The following LAMA1 variants were observed in gnomAD, a reference collection of about 807,000 sequenced individuals.
LAMA1 encodes the protein laminin subunit alpha-1.
A neutral mutation model predicts 348.7 loss-of-function variants in LAMA1; 219 were observed. The observed-to-expected ratio is 0.63, with a 90% confidence interval of 0.56 to 0.70. The LOEUF is 0.70. LAMA1 is among the 30% of genes least tolerant of loss of function. LAMA1 has a pLI of 0.00. For synonymous variants in LAMA1, 1,487 were observed against 1,491.0 expected, an observed-to-expected ratio of 1.00 and a Z score of 0.06; for missense variants, 3,744 against 3,888.0, an observed-to-expected ratio of 0.96 and a Z score of 0.99.
At chr18:7,096,468 G>A (rs2143810308) in intron 1 of LAMA1, among the ~76,000 whole-genome samples, 1 of 152,224 alleles carries the variant, frequency 6.6e-6, no homozygotes, top group South Asian at 2.1e-4. Context: ...CTTGAGCCCA[G>A]GAGTACAACA....
rs201639941 is a variant in LAMA1, at chr18:6,942,161, G to C, written c.9146C>G (p.Pro3049Arg). 12 of 1,613,978 alleles carry C rather than the reference G, an allele frequency of 7.4e-6. No homozygotes were observed. Among genetic ancestry groups the C allele is most frequent in the Non-Finnish European group, 1.0e-5 (12 of 1,180,030 alleles). ...GCTGAAGTCAAAGGACTGCACCTGCGGGCTCTTAATCAGAGCTAGCTTCCT... is the reference window on the plus strand; with the variant it reads ...GCTGAAGTCAAAGGACTGCACCTGCCGGCTCTTAATCAGAGCTAGCTTCCT... The part of the protein sequence containing the change: ...CLRKLALIKS[P>R]QVQSFDFSRA... Residue 3049 changes from proline (P) to arginine (R), a missense_variant, in exon 63 of 63, where the codon CCG becomes CGG. Physicochemically the swap from Pro to Arg is moderately radical, Grantham distance 103 (BLOSUM62 -2). Coordinates refer to ENST00000389658, the MANE Select transcript of LAMA1 (RefSeq NM_005559.4).
rs1283396403 is a variant in LAMA1, at chr18:7,080,458, C to G, written c.62-1G>C. 6.2e-7 allele frequency: 1 copy of G among 1,614,078 alleles called. No homozygotes were observed. Among genetic ancestry groups the G allele is most frequent in the Admixed American group, 1.7e-5 (1 of 59,992 alleles). On this transcript the variant is annotated splice_acceptor_variant, in intron 1 of 62. Transcript: ENST00000389658. LOFTEE classifies it high-confidence loss of function. Reference sequence around the variant, plus strand: ...AGATTGAGAATGGCAGGAAACAGGCCTGAAAGTGAAAATTTACCAAATCAG... The same window carrying G: ...AGATTGAGAATGGCAGGAAACAGGCGTGAAAGTGAAAATTTACCAAATCAG...
chr18:7,100,949 G>A (rs953217840), intron 1 of LAMA1, among the ~76,000 whole-genome samples: 9 of 152,270 alleles, frequency 5.9e-5, no homozygotes, highest in Non-Finnish European at 1.0e-4. Flanking sequence ...GGTGGAGGCT[G>A]CAGTGAGCCA....
At chr18:7,026,778 G>A (rs2057945410) in intron 16 of LAMA1, among the ~76,000 whole-genome samples, 1 of 152,044 alleles carries the variant, frequency 6.6e-6, no homozygotes, top group African/African-American at 2.4e-5. Flanking sequence ...CAGGTGGATT[G>A]CGAGGTCAGG....
intron 1 of LAMA1, among the ~76,000 whole-genome samples, chr18:7,116,348 C>T (rs908647760): frequency 1.1e-4 from 16 of 152,226 alleles, no homozygotes; most frequent in African/African-American, 3.9e-4. Context: ...TCCTTTAAGG[C>T]TCCTCTCCCT....
intron 1 of LAMA1, among the ~76,000 whole-genome samples, chr18:7,106,797 T>C (rs553959169): frequency 1.2e-3 from 179 of 152,192 alleles, no homozygotes; most frequent in African/African-American, 4.0e-3. Flanking sequence ...TGTCACTGTT[T>C]GAGTCTGCTC....
At chr18:7,048,708 A>G (rs1193947900) in intron 5 of LAMA1, among the ~76,000 whole-genome samples, 1 of 152,220 alleles carries the variant, frequency 6.6e-6, no homozygotes, top group South Asian at 2.1e-4. Context: ...TAAAATCTGT[A>G]TGCTTTCCTG....
At chr18:7,024,817 T>A (rs1051142192) in intron 17 of LAMA1, among the ~76,000 whole-genome samples, 1 of 152,144 alleles carries the variant, frequency 6.6e-6, no homozygotes, top group African/African-American at 2.4e-5. Flanking sequence ...GCTCGGGTGC[T>A]CCTAGGATGC....
intron 19 of LAMA1, among the ~76,000 whole-genome samples, chr18:7,019,461 T>TA: frequency 6.6e-6 from 1 of 152,206 alleles, no homozygotes; most frequent in Non-Finnish European, 1.5e-5. Context: ...GATGATAATT[T>TA]AAAAAATCAT....
chr18:6,993,680 G>A lies in LAMA1; in HGVS notation c.4969C>T (p.Leu1657=). 1.9e-6 allele frequency: 3 copies of A among 1,613,970 alleles called. No homozygotes were observed. The highest frequency in any genetic ancestry group is 2.2e-5 in the South Asian group (2 of 91,066). ...TGCAGCCTCTCAATGGCTATGGCCA[G>A]GTCTTGACTCTCCTTGAAGATTCTC... ...TERIFKESQD[L]AIAIERLQMS... The change falls in exon 35 of 63, where the codon CTG becomes TTG. Residue 1657 remains leucine, a synonymous_variant. Transcript: ENST00000389658.
chr18:7,090,484 T>A (rs1308220865), intron 1 of LAMA1, among the ~76,000 whole-genome samples: 7 of 152,018 alleles, frequency 4.6e-5, no homozygotes, highest in Non-Finnish European at 1.0e-4. Flanking sequence ...AAGGGGAGAA[T>A]AACCCCCTCC....
rs374697577 is a variant in LAMA1, at chr18:7,009,323, G to A, written c.3917C>T (p.Thr1306Met). The A allele has an allele frequency of 4.2e-5, 67 of 1,613,878 alleles. No homozygotes were observed. The highest frequency in any genetic ancestry group is 2.4e-4 in the African/African-American group (18 of 74,906). ...GAGGACAGACATAAAATCCTCTCGC[G>A]TGACAGGTTTTTCAGAAACAGAGTT... The part of the protein sequence containing the change: ...YFNSVSEKPV[T>M]REDFMSVLSD... Residue 1306 changes from threonine (T) to methionine (M), a missense_variant, in exon 27 of 63, where the codon ACG (threonine) becomes ATG (methionine). By Grantham distance (81) the Thr-to-Met change is moderately conservative (BLOSUM62 -1). Around this residue, in one of 3 missense-constraint regions of LAMA1, gnomAD observed 1,983 missense variants for 1,934.3 expected, o/e 1.03. Transcript: ENST00000389658.
At chr18:7,109,296 T>G (rs951482075) in intron 1 of LAMA1, among the ~76,000 whole-genome samples, 1 of 152,142 alleles carries the variant, frequency 6.6e-6, no homozygotes, top group Non-Finnish European at 1.5e-5. Flanking sequence ...GACCCAGGTT[T>G]TAATGCTAGA....
At chr18:7,059,652 C>A (rs1376147649) in intron 3 of LAMA1, among the ~76,000 whole-genome samples, 1 of 152,184 alleles carries the variant, frequency 6.6e-6, no homozygotes, top group African/African-American at 2.4e-5. Flanking sequence ...CCTCTCCTCT[C>A]CACAGAAAGT....
At chr18:7,064,932 A>G (rs1327318392) in intron 3 of LAMA1, among the ~76,000 whole-genome samples, 2 of 152,138 alleles carry the variant, frequency 1.3e-5, no homozygotes, top group African/African-American at 4.8e-5. Flanking sequence ...TTGCTCTTAA[A>G]AGGGTGATTA....
intron 57 of LAMA1, 98 bp downstream of exon 57, chr18:6,955,255 A>G: frequency 1.1e-6 from 1 of 949,418 alleles, no homozygotes; most frequent in Non-Finnish European, 1.7e-6. Context: ...TCATCATAAA[A>G]TAAAAGCAGG....
chr18:7,076,801 G>A (rs1167439644), intron 3 of LAMA1: 4 of 152,094 alleles, frequency 2.6e-5, no homozygotes, highest in African/African-American at 4.8e-5. Flanking sequence ...CAGAACAAAC[G>A]TCTTTATTTT....
Position 7,104,671 on chromosome 18 carries a change from A to G in LAMA1, c.61+12989T>C, listed in dbSNP as rs557440328. 5.3e-5 allele frequency among the ~76,000 whole-genome samples: 8 copies of G among 152,320 alleles called. No homozygotes were observed. In the South Asian group the frequency reaches 1.7e-3, roughly 32 times the overall value. ...GCCTTAGAAGTCCCACTCAATAGAG[A>G]ATGAGATGCCATTGAAGCAATTCAA... On this transcript the variant is annotated intron_variant, in intron 1 of 62. Transcript: ENST00000389658.
intron 17 of LAMA1, 24 bp from the exon 18 acceptor site, chr18:7,024,490 A>G: frequency 1.3e-6 from 2 of 1,584,924 alleles, no homozygotes; most frequent in Non-Finnish European, 1.7e-6. Flanking sequence ...AGAAATGAAC[A>G]AAATTTTCCA....
Sources: gnomAD v4.1 joint callset for allele counts (sites outside exome capture counted in the v4.1 genomes callset) on GRCh38, gnomAD v4.1.1 for gene constraint, gnomAD v4.1.1 regional missense constraint, MANE v1.5 for transcripts, NCBI Gene and HGNC (gene_info 2026-07-23, HGNC 2026-07-21) for gene names.